The following MTCH2 variants were observed in gnomAD, a reference collection of about 807,000 sequenced individuals.
MTCH2 encodes the protein mitochondrial carrier homolog 2.
In MTCH2, 25 loss-of-function variants were observed where a neutral mutation model predicts 50.6. That is an observed-to-expected ratio of 0.49 (90% CI 0.36 to 0.69). The LOEUF (loss-of-function observed/expected upper bound fraction) is 0.69, where lower values mean the gene tolerates loss of function less well. MTCH2 is among the 30% of genes least tolerant of loss of function. MTCH2 has a pLI of 0.00. For synonymous variants in MTCH2, 106 were observed against 132.0 expected, an observed-to-expected ratio of 0.80 and a Z score of 1.35; for missense variants, 273 against 384.4, an observed-to-expected ratio of 0.71 and a Z score of 2.42.
At chr11:47,635,075 T>A (rs1224792865) in intron 4 of MTCH2, among the ~76,000 whole-genome samples, 1 of 150,726 alleles carries the variant, frequency 6.6e-6, no homozygotes, top group Non-Finnish European at 1.5e-5. Context: ...GGGCGGCCGA[T>A]CTTGACGGTT....
At chr11:47,628,554 A>G (rs1437226654) in intron 9 of MTCH2, among the ~76,000 whole-genome samples, 9 of 151,850 alleles carry the variant, frequency 5.9e-5, no homozygotes, top group Non-Finnish European at 1.3e-4. Flanking sequence ...GGCATGTAGC[A>G]AACTGTCATC....
At chr11:47,614,222 A>AATT (rs2097287110), downstream of MTCH2, among the ~76,000 whole-genome samples, 1 of 152,132 alleles carries the variant, frequency 6.6e-6, no homozygotes, top group Non-Finnish European at 1.5e-5. Context: ...AAAACCTTGG[A>AATT]ATTTGATAGA....
At chr11:47,605,685 G>A in the MTCH2 span, among the ~76,000 whole-genome samples, 1 of 152,274 alleles carries the variant, frequency 6.6e-6, no homozygotes, top group African/African-American at 2.4e-5. Context: ...GGGTGAAGGA[G>A]CACAGCAGTT....
At chr11:47,608,890 G>A in the MTCH2 span, among the ~76,000 whole-genome samples, 9 of 150,116 alleles carry the variant, frequency 6.0e-5, no homozygotes, top group African/African-American at 2.0e-4. Context: ...CCCGGGAGGC[G>A]GAGCTTGCAG....
chr11:47,633,131 AGAGGGAGTCTCG>A (rs2097304770), intron 5 of MTCH2, among the ~76,000 whole-genome samples: 1 of 78,308 alleles, frequency 1.3e-5, no homozygotes, highest in South Asian at 3.8e-4. Flanking sequence ...TTTTTTTTTG[AGAGGGAGTCTCG>A]CTGTCTCCCA....
At chr11:47,626,602 GA>G (rs1217126506) in intron 10 of MTCH2, among the ~76,000 whole-genome samples, 1 of 151,726 alleles carries the variant, frequency 6.6e-6, no homozygotes, top group Non-Finnish European at 1.5e-5. Flanking sequence ...TGGTTCCTTC[GA>G]AAACTGAGTT....
chr11:47,626,550 A>G (rs141874314), intron 10 of MTCH2, among the ~76,000 whole-genome samples: 1 of 152,250 alleles, frequency 6.6e-6, no homozygotes, highest in East Asian at 1.9e-4. Context: ...GATGTGAGGC[A>G]GGGGTTCTGC....
Position 47,618,798 on chromosome 11 carries a change from G to C in MTCH2, c.*35C>G. ...CTCTCCCATAATTCTGTGCATCTGG[G>C]ACTACAGAAATGTCACTGTCCCTGC... On this transcript the variant is annotated 3_prime_UTR_variant, in exon 13 of 13. Coordinates refer to ENST00000302503, the MANE Select transcript of MTCH2 (RefSeq NM_014342.4). The C allele has an allele frequency of 9.2e-7, 1 of 1,085,618 alleles. No individual in the cohort carries two copies. The allele number at this position is 1,085,618 out of a possible 1,614,324, so 67.2% of individuals were successfully genotyped here. A position where few individuals can be genotyped will look rare whatever the true frequency, so the allele number is the denominator to read the frequency against.
At chr11:47,631,838 T>A in intron 5 of MTCH2, 127 bp from the exon 6 acceptor site, 1 of 890,728 alleles carries the variant, frequency 1.1e-6, no homozygotes, top group Non-Finnish European at 1.8e-6. Context: ...CTGCCCTGGC[T>A]GGAGTCAAGA....
rs142963569 is a variant in MTCH2, at chr11:47,634,322, T to G, written c.369+350A>C. Among the ~76,000 whole-genome samples the G allele has an allele frequency of 5.3e-3, 804 of 152,114 alleles. 6 individuals are homozygous for G. The highest frequency in any genetic ancestry group is 0.027 in the Middle Eastern group (8 of 294). ...CTCTAACTCCTGGGGTCAAGTGATC[T>G]TCCTGCCTTGGCCTCCCAAAGTGCT... On this transcript the variant is annotated intron_variant, in intron 5 of 12. Coordinates refer to ENST00000302503, the MANE Select transcript of MTCH2 (RefSeq NM_014342.4).
Position 47,642,498 on chromosome 11 carries a change from G to T in MTCH2, c.-33C>A, listed in dbSNP as rs1171075766. On this transcript the variant is annotated 5_prime_UTR_variant, in exon 1 of 13. Coordinates refer to ENST00000302503, the MANE Select transcript of MTCH2 (RefSeq NM_014342.4). ...CCCGCGGGCGGACGGACAGACAGAC[G>T]GAGCCACCAAGCGACCCGGTGAGCC... The T allele has an allele frequency of 4.5e-6, 7 of 1,553,730 alleles. No homozygotes were observed. The highest frequency in any genetic ancestry group is 5.2e-6 in the Non-Finnish European group (6 of 1,150,094).
intron 11 of MTCH2, among the ~76,000 whole-genome samples, 187 bp downstream of exon 11, chr11:47,625,487 G>A (rs1396131008): frequency 6.6e-6 from 1 of 150,896 alleles, no homozygotes; most frequent in Non-Finnish European, 1.5e-5. Context: ...TGCTGCATAG[G>A]GCATACAAAG....
At chr11:47,619,980 G>A (rs1485661163) in intron 12 of MTCH2, among the ~76,000 whole-genome samples, 1 of 152,188 alleles carries the variant, frequency 6.6e-6, no homozygotes, top group African/African-American at 2.4e-5. Flanking sequence ...AGGAGGCTGA[G>A]GCAGGGGAAT....
chr11:47,625,652 A>G (rs1489346238), intron 11 of MTCH2, 22 bp downstream of exon 11: 6 of 1,583,476 alleles, frequency 3.8e-6, no homozygotes, highest in Non-Finnish European at 5.2e-6. Context: ...ACCTACTAGA[A>G]TAAGAAATAC....
At chr11:47,621,776 G>C (rs2097293491) in intron 12 of MTCH2, among the ~76,000 whole-genome samples, 1 of 151,736 alleles carries the variant, frequency 6.6e-6, no homozygotes, top group African/African-American at 2.4e-5. Flanking sequence ...GTGTTGCCCA[G>C]GCTGGCCTCA....
chr11:47,627,594 T>C (rs1216531575), intron 9 of MTCH2, among the ~76,000 whole-genome samples: 1 of 151,968 alleles, frequency 6.6e-6, no homozygotes, highest in African/African-American at 2.4e-5. Context: ...ATATAGTCTA[T>C]CTCTAAATTA....
chr11:47,633,516 ATATATATATATTTTT>A (rs1477347819), intron 5 of MTCH2, among the ~76,000 whole-genome samples: 3 of 17,766 alleles, frequency 1.7e-4, no homozygotes, highest in South Asian at 2.0e-3. Context: ...ATATATATAT[ATATATATATATTTTT>A]TTTTTTTTTT....
chr11:47,617,237 G>C (rs1366574423), downstream of MTCH2: 1 of 152,124 alleles, frequency 6.6e-6, no homozygotes, highest in African/African-American at 2.4e-5. Context: ...GTGGTAGACT[G>C]GTTATCAGAG....
chr11:47,618,579 T>C lies in MTCH2; in HGVS notation c.*254A>G, dbSNP rs2097290150. On this transcript the variant is annotated 3_prime_UTR_variant, in exon 13 of 13. Coordinates refer to ENST00000302503, the MANE Select transcript of MTCH2 (RefSeq NM_014342.4). ...GTAGCTTCAGGAAAATACAACTTTTTTTCCCTTCTGGTTAAGTAAAATAAG... is the reference window on the plus strand; with the variant it reads ...GTAGCTTCAGGAAAATACAACTTTTCTTCCCTTCTGGTTAAGTAAAATAAG... 1 of 430,524 alleles carries C rather than the reference T, an allele frequency of 2.3e-6. No individual in the cohort carries two copies. The highest frequency in any genetic ancestry group is 4.1e-6 in the Non-Finnish European group (1 of 241,682). 26.7% of individuals were successfully genotyped at this position (430,524 alleles called of 1,614,324 possible). A position where few individuals can be genotyped will look rare whatever the true frequency, so the allele number is the denominator to read the frequency against.
Sources: allele counts gnomAD v4.1 joint callset (sites outside exome capture counted in the v4.1 genomes callset), GRCh38; gene constraint gnomAD v4.1.1; transcripts MANE v1.5; gene names NCBI Gene and HGNC (gene_info 2026-07-23, HGNC 2026-07-21).